The following GON4L variants were observed in gnomAD, a reference collection of about 807,000 sequenced individuals.
GON4L encodes gon-4 like.
A neutral mutation model predicts 211.8 loss-of-function variants in GON4L; 87 were observed. The observed-to-expected ratio is 0.41, with a 90% CI of 0.35 to 0.49. The LOEUF is 0.49. GON4L is among the 20% of genes least tolerant of loss of function. The pLI, the probability that GON4L is intolerant of heterozygous loss-of-function variation, is 0.15. For missense variants in GON4L, 2,155 were observed against 2,659.5 expected (o/e 0.81, Z 4.17); for synonymous variants, 875 against 962.6 (o/e 0.91, Z 1.68).
At position 155,763,478 on chromosome 1, in the gene GON4L, C is replaced by T; in HGVS notation, c.4560G>A (p.Glu1520=). The change falls in exon 22 of 32, where the codon GAG becomes GAA. Residue 1520 remains glutamate (E), a synonymous_variant. Transcript: ENST00000368331. ...GESEEENSQE[E]NSEPEEEEEE... is the part of the protein sequence containing the mutation. ...CCTCCTCTTCTTCTGGCTCAGAGTTCTCCTCCTGAGAATTCTCTTCTTCAG... is the reference window on the plus strand; with the variant it reads ...CCTCCTCTTCTTCTGGCTCAGAGTTTTCCTCCTGAGAATTCTCTTCTTCAG... The T allele has an allele frequency of 1.3e-6, 2 of 1,552,288 alleles. No individual in the cohort carries two copies. Among genetic ancestry groups the T allele is most frequent in the Non-Finnish European group, 1.7e-6 (2 of 1,147,294 alleles).
At chr1:155,796,069 C>G (rs545141387) in intron 11 of GON4L, among the ~76,000 whole-genome samples, 1 of 151,960 alleles carries the variant, frequency 6.6e-6, no homozygotes, top group Non-Finnish European at 1.5e-5. Context: ...ATACTCAACA[C>G]GTACACATAT....
At chr1:155,751,694 C>G in intron 31 of GON4L, 73 bp downstream of exon 31, 1 of 1,006,052 alleles carries the variant, frequency 9.9e-7, no homozygotes, top group Non-Finnish European at 1.5e-6. Context: ...AAAACTCCTT[C>G]TTTGGCCTTT....
At position 155,822,275 on chromosome 1, in the gene GON4L, G is replaced by A. The variant is rs1668803368; in HGVS notation, c.888+11C>T. On this transcript the variant is annotated intron_variant, in intron 4 of 31. Coordinates refer to ENST00000368331, the MANE Select transcript of GON4L (RefSeq NM_001282860.2). ...CCCTTCCATTTACATAACTGCCCCA[G>A]TCTTACTCACATGAAGGATGTTTCG... 1 of 1,605,722 alleles carries A rather than the reference G, an allele frequency of 6.2e-7. No homozygotes were observed. Among genetic ancestry groups the A allele is most frequent in the Admixed American group, 1.7e-5 (1 of 59,988 alleles).
Position 155,853,635 on chromosome 1 carries a change from C to G in GON4L, c.146G>C (p.Trp49Ser). The change falls in exon 2 of 32, where the codon TGG becomes TCG. Residue 49 changes from tryptophan (W) to serine (S), a missense_variant. Transcript: ENST00000368331. ...AGCTACTCTGCCATGACTTGGATCC[C>G]AGGATAGTGACACCGAACTCAAGTC... ...VKDLSSVSLS[W>S]DPSHGRVAGF... 6.2e-7 allele frequency: 1 copy of G among 1,614,146 alleles called. No individual in the cohort carries two copies. The highest frequency in any genetic ancestry group is 8.5e-7 in the Non-Finnish European group (1 of 1,179,988).
At chr1:155,784,514 T>C (rs1274315761) in intron 13 of GON4L, 8 of 205,816 alleles carry the variant, frequency 3.9e-5, no homozygotes, top group Non-Finnish European at 7.9e-5. Context: ...GCCTCTGCAG[T>C]AACCGTGACT....
chr1:155,846,198 T>C (rs892403488), intron 2 of GON4L: 13 of 229,740 alleles, frequency 5.7e-5, no homozygotes, highest in African/African-American at 1.2e-4. Flanking sequence ...ATCAACAAGA[T>C]TGCCAACTGG....
Position 155,754,363 on chromosome 1 carries a change from T to C in GON4L, c.5631+12A>G. 6.5e-7 allele frequency: 1 copy of C among 1,527,242 alleles called. No homozygotes were observed. Among genetic ancestry groups the C allele is most frequent in the Non-Finnish European group, 9.1e-7 (1 of 1,100,686 alleles). The allele number at this position is 1,527,242 out of a possible 1,614,324, so 94.6% of individuals were successfully genotyped here. A position where few individuals can be genotyped will look rare whatever the true frequency, so the allele number is the denominator to read the frequency against. On this transcript the variant is annotated intron_variant, in intron 28 of 31. Coordinates refer to ENST00000368331, the MANE Select transcript of GON4L (RefSeq NM_001282860.2). ...GCTCTGATACCCTCGGGACCCTTGA[T>C]ACTTTCCTCACCTTGCTGCTACAGT...
intron 11 of GON4L, among the ~76,000 whole-genome samples, chr1:155,795,579 C>CT (rs1665983623): frequency 6.6e-6 from 1 of 152,164 alleles, no homozygotes; most frequent in Non-Finnish European, 1.5e-5. Flanking sequence ...ATCTGAAACT[C>CT]TGTGAGTGCA....
At chr1:155,773,011 T>G in intron 18 of GON4L, 55 bp downstream of exon 18, 1 of 1,605,324 alleles carries the variant, frequency 6.2e-7, no homozygotes, top group East Asian at 2.2e-5. Context: ...TCAAAGGAAC[T>G]ACATCTTCTC....
intron 2 of GON4L, among the ~76,000 whole-genome samples, chr1:155,827,583 G>T (rs530674494): frequency 6.6e-6 from 1 of 152,038 alleles, no homozygotes; most frequent in Non-Finnish European, 1.5e-5. Flanking sequence ...TACTTGGGGG[G>T]GCTGAGCTGG....
Position 155,822,357 on chromosome 1 carries a change from G to A in GON4L, c.817C>T (p.Leu273Phe), listed in dbSNP as rs763400614. The A allele has an allele frequency of 5.6e-6, 9 of 1,613,938 alleles. No homozygotes were observed. The highest frequency in any genetic ancestry group is 3.3e-5 in the Admixed American group (2 of 60,000). Residue 273 changes from leucine to phenylalanine, a missense_variant, in exon 4 of 32, where the codon CTT (leucine) becomes TTT (phenylalanine). Transcript: ENST00000368331. The part of the protein sequence containing the change: ...LAYDLKLDDM[L>F]DRTLEDGAKQ... Reference sequence around the variant, plus strand: ...GCACCATCCTCCAAGGTACGGTCAAGCATGTCATCCAGTTTCAGGTCATAT... The same window carrying A: ...GCACCATCCTCCAAGGTACGGTCAAACATGTCATCCAGTTTCAGGTCATAT...
chr1:155,825,972 G>A (rs1669173295), intron 3 of GON4L, among the ~76,000 whole-genome samples: 1 of 152,144 alleles, frequency 6.6e-6, no homozygotes, highest in South Asian at 2.1e-4. Flanking sequence ...GAACCTGGGA[G>A]GCGGAGGTTG....
At chr1:155,775,518 G>C (rs567278039) in intron 16 of GON4L, among the ~76,000 whole-genome samples, 1 of 151,036 alleles carries the variant, frequency 6.6e-6, no homozygotes, top group Non-Finnish European at 1.5e-5. Context: ...GTAGTGGTGC[G>C]ATCTTGACTC....
rs937466768 is a variant in GON4L, at chr1:155,811,067, T to C, written c.1452+2567A>G. On this transcript the variant is annotated intron_variant, in intron 10 of 31. Transcript: ENST00000368331. ...AAATGTTAGAATTACAAAGTCATCATTTGACAACGACCATAGTAAAGACTG... is the reference window on the plus strand; with the variant it reads ...AAATGTTAGAATTACAAAGTCATCACTTGACAACGACCATAGTAAAGACTG... 2.8e-4 allele frequency among the ~76,000 whole-genome samples: 42 copies of C among 152,014 alleles called. 1 individual carries two copies. Among genetic ancestry groups the C allele is most frequent in the South Asian group, 4.1e-4 (2 of 4,822 alleles).
chr1:155,819,593 C>T (rs1208553428), intron 6 of GON4L, among the ~76,000 whole-genome samples: 1 of 152,090 alleles, frequency 6.6e-6, no homozygotes, highest in Admixed American at 6.5e-5. Flanking sequence ...AGGAATAAAA[C>T]CAGGACAGAT....
intron 6 of GON4L, among the ~76,000 whole-genome samples, chr1:155,818,685 T>C (rs1002965152): frequency 2.0e-5 from 3 of 152,152 alleles, no homozygotes; most frequent in African/African-American, 7.2e-5. Flanking sequence ...TCTGGTTCAG[T>C]AGAGTCTTCT....
intron 9 of GON4L, 130 bp from the exon 10 acceptor site, chr1:155,813,934 T>C (rs1309784192): frequency 1.2e-5 from 9 of 729,314 alleles, no homozygotes; most frequent in Non-Finnish European, 2.1e-5. Flanking sequence ...CTTCTCTAGT[T>C]AGAGTTACAT....
chr1:155,785,567 C>T (rs1399338573), intron 12 of GON4L, among the ~76,000 whole-genome samples, 193 bp from the exon 13 acceptor site: 1 of 152,156 alleles, frequency 6.6e-6, no homozygotes, highest in Admixed American at 6.5e-5. Flanking sequence ...TCACTGCAAC[C>T]TCCGCATCCC....
rs1056939526 is a variant in GON4L, at chr1:155,763,547, C to T, written c.4491G>A (p.Leu1497=). The part of the protein sequence containing the change: ...VPELQETMEK[L]TWLASERRMS... ...TGCGCCTTTCAGATGCCAGCCAAGTCAGTTTCTCCATTGTTTCCTGTAAAA... is the reference window on the plus strand; with the variant it reads ...TGCGCCTTTCAGATGCCAGCCAAGTTAGTTTCTCCATTGTTTCCTGTAAAA... The change falls in exon 22 of 32, where the codon CTG becomes CTA. Residue 1497 remains leucine, a synonymous_variant. Coordinates refer to ENST00000368331, the MANE Select transcript of GON4L (RefSeq NM_001282860.2). The T allele has an allele frequency of 6.5e-7, 1 of 1,546,366 alleles. No individual in the cohort carries two copies. Among genetic ancestry groups the T allele is most frequent in the Non-Finnish European group, 8.7e-7 (1 of 1,146,332 alleles).
Sources: allele counts gnomAD v4.1 joint callset (sites outside exome capture counted in the v4.1 genomes callset), GRCh38; gene constraint gnomAD v4.1.1; transcripts MANE v1.5; gene names NCBI Gene and HGNC (gene_info 2026-07-23, HGNC 2026-07-21).